Variants in DDX60 observed in about 807,000 individuals in gnomAD.
DDX60 encodes the protein probable ATP-dependent RNA helicase DDX60.
In DDX60, 165 loss-of-function variants were observed where a neutral mutation model predicts 212.8. The observed-to-expected ratio is 0.78, with a 90% CI of 0.68 to 0.88. DDX60 has a LOEUF of 0.88. Among genes scored for constraint, DDX60 ranks in the 40% least tolerant of loss-of-function variants. The pLI is 0.00. For missense variants in DDX60, 1,905 were observed against 2,003.9 expected (o/e 0.95, Z 0.94); for synonymous variants, 703 against 685.3 (o/e 1.03, Z -0.40).
rs554411953 is a variant in DDX60, at chr4:168,272,583, G to A, written c.2575-445C>T. Reference sequence around the variant, plus strand: ...GATGGAGCCTCAGCCAACCTAGCTCGCAGTTCTGGAGTAAGGACTGCTGTC... The same window carrying A: ...GATGGAGCCTCAGCCAACCTAGCTCACAGTTCTGGAGTAAGGACTGCTGTC... On this transcript the variant is annotated intron_variant, in intron 18 of 37. Transcript: ENST00000393743. Among the ~76,000 whole-genome samples the A allele has an allele frequency of 2.1e-4, 32 of 152,322 alleles. No individual in the cohort carries two copies. In the East Asian group the frequency reaches 5.4e-3, roughly 26 times the overall value.
At chr4:168,307,952 G>A (rs1579083187) in intron 4 of DDX60, 54 bp downstream of exon 4, 1 of 1,112,082 alleles carries the variant, frequency 9.0e-7, no homozygotes, top group East Asian at 2.9e-5. Flanking sequence ...AATAATTTAG[G>A]AAATTTTAGT....
chr4:168,300,261 G>T (rs1736589608), intron 6 of DDX60, among the ~76,000 whole-genome samples: 1 of 152,076 alleles, frequency 6.6e-6, no homozygotes, highest in African/African-American at 2.4e-5. Context: ...AGAAGCTACG[G>T]CTGGGTGCGG....
chr4:168,291,733 A>G lies in DDX60; in HGVS notation c.1041+15T>C, dbSNP rs1176742736. ...CAAAACACAAAAATAGTAAACTAAT[A>G]AAGAGTACATTTACCATTTGTAATA... On this transcript the variant is annotated intron_variant, in intron 8 of 37. Transcript: ENST00000393743. The G allele has an allele frequency of 7.1e-6, 11 of 1,541,964 alleles. No individual in the cohort carries two copies. Among genetic ancestry groups the G allele is most frequent in the Non-Finnish European group, 9.6e-6 (11 of 1,150,520 alleles).
At chr4:168,300,996 CA>C (rs1736625815) in intron 6 of DDX60, among the ~76,000 whole-genome samples, 1 of 151,960 alleles carries the variant, frequency 6.6e-6, no homozygotes, top group East Asian at 1.9e-4. Context: ...CTGCTGAGTA[CA>C]ACATTGGGTG....
chr4:168,291,709 A>C, intron 8 of DDX60, 39 bp downstream of exon 8: 1 of 1,486,558 alleles, frequency 6.7e-7, no homozygotes, highest in Non-Finnish European at 8.9e-7. Context: ...TCAAACATTC[A>C]AAACACAAAA....
At chr4:168,294,604 G>C (rs1026059668) in intron 6 of DDX60, among the ~76,000 whole-genome samples, 1 of 151,958 alleles carries the variant, frequency 6.6e-6, no homozygotes, top group Non-Finnish European at 1.5e-5. Context: ...AGGCTCAAGC[G>C]ATTCTCTTGC....
At chr4:168,270,544 G>A (rs181828057) in intron 19 of DDX60, among the ~76,000 whole-genome samples, 34 of 152,294 alleles carry the variant, frequency 2.2e-4, no homozygotes, top group Admixed American at 1.2e-3. Flanking sequence ...AAGTCATATC[G>A]TCATAGCACT....
At chr4:168,303,999 A>G (rs1736766504) in intron 5 of DDX60, among the ~76,000 whole-genome samples, 1 of 152,100 alleles carries the variant, frequency 6.6e-6, no homozygotes, top group Non-Finnish European at 1.5e-5. Context: ...ACAACAATAA[A>G]AAAAGTACAG....
intron 30 of DDX60, among the ~76,000 whole-genome samples, chr4:168,239,644 G>A (rs887100051): frequency 4.6e-5 from 7 of 152,056 alleles, no homozygotes; most frequent in African/African-American, 1.7e-4. Flanking sequence ...TGGTAAGAGA[G>A]TGAGGCCATG....
chr4:168,253,246 A>C (rs960451092), intron 26 of DDX60, among the ~76,000 whole-genome samples: 4 of 152,218 alleles, frequency 2.6e-5, no homozygotes, highest in Admixed American at 6.5e-5. Context: ...GTCTTGCCAA[A>C]CCCAGTTCTC....
Position 168,224,385 on chromosome 4 carries a change from T to C in DDX60, c.4682A>G (p.Lys1561Arg). The C allele has an allele frequency of 6.2e-7, 1 of 1,611,176 alleles. No homozygotes were observed. Among genetic ancestry groups the C allele is most frequent in the Non-Finnish European group, 8.5e-7 (1 of 1,178,038 alleles). ...GTCTTCACATTCTTTACCTGTGAAT[T>C]CTGACAATAATAGTTAGGGATAGAT... ...QEYQLPLSKI[K>R]FTGKECEDSQ... Residue 1561 changes from lysine to arginine, a missense_variant and splice_region_variant, in exon 35 of 38, where the codon AAA becomes AGA. Lys to Arg is a conservative substitution (Grantham distance 26, BLOSUM62 2). Transcript: ENST00000393743.
intron 27 of DDX60, 49 bp downstream of exon 27, chr4:168,252,459 TG>T: frequency 6.2e-7 from 1 of 1,608,008 alleles, no homozygotes; most frequent in Non-Finnish European, 8.5e-7. Context: ...TAACAAGCTA[TG>T]GCTGACAAAT....
In DDX60 at chr4:168,274,535, G is replaced by A. The variant is rs567926711; in HGVS notation, c.2305-452C>T. 7.9e-5 allele frequency among the ~76,000 whole-genome samples: 12 copies of A among 152,268 alleles called. No homozygotes were observed. The South Asian group carries it at 8.3e-4, about 11-fold the overall frequency. Reference sequence around the variant, plus strand: ...TTCAGCCGAAGAATGTTGACTAGCCGAAGAATGATAATAAGTCTATGTAAT... The same window carrying A: ...TTCAGCCGAAGAATGTTGACTAGCCAAAGAATGATAATAAGTCTATGTAAT... On this transcript the variant is annotated intron_variant, in intron 16 of 37. Transcript: ENST00000393743.
rs137970517 is a variant in DDX60 at position 168,243,388 on chromosome 4, C to T, written c.4164+3030G>A. 6.9e-3 allele frequency among the ~76,000 whole-genome samples: 1,043 copies of T among 152,036 alleles called. 5 individuals are homozygous for T. Among genetic ancestry groups the T allele is most frequent in the African/African-American group, 0.021 (851 of 41,468 alleles). On this transcript the variant is annotated intron_variant, in intron 30 of 37. Coordinates refer to ENST00000393743, the MANE Select transcript of DDX60 (RefSeq NM_017631.6). ...ACAAATGTCTAATATCCAGAGTCTA[C>T]AAGGAACTTAAACAAATTTATAAGA...
At chr4:168,219,484 A>T (rs1732972522) in intron 37 of DDX60, among the ~76,000 whole-genome samples, 7 of 152,136 alleles carry the variant, frequency 4.6e-5, no homozygotes, top group Admixed American at 4.6e-4. Flanking sequence ...AACTTCAGTA[A>T]CTATGAGCCA....
chr4:168,306,933 G>A (rs1736910535), intron 4 of DDX60, among the ~76,000 whole-genome samples: 1 of 152,170 alleles, frequency 6.6e-6, no homozygotes, highest in Non-Finnish European at 1.5e-5. Flanking sequence ...TCTCCTTTAA[G>A]CAGGCACTTA....
intron 6 of DDX60, among the ~76,000 whole-genome samples, chr4:168,298,846 G>A (rs1276290332): frequency 6.6e-6 from 1 of 151,390 alleles, no homozygotes; most frequent in African/African-American, 2.4e-5. Context: ...TAAAGGTAGT[G>A]GAAAAAAAAA....
chr4:168,275,052 C>T (rs471276), intron 16 of DDX60, among the ~76,000 whole-genome samples: 1 of 152,016 alleles, frequency 6.6e-6, no homozygotes. Context: ...TATTGACACA[C>T]GGAAAACCTG....
At chr4:168,248,620 A>G (rs992222570) in intron 28 of DDX60, among the ~76,000 whole-genome samples, 1 of 152,166 alleles carries the variant, frequency 6.6e-6, no homozygotes, top group South Asian at 2.1e-4. Context: ...TCTGTCTCAC[A>G]TGATTTATCT....
Sources: allele counts gnomAD v4.1 joint callset (sites outside exome capture counted in the v4.1 genomes callset), GRCh38; gene constraint gnomAD v4.1.1; transcripts MANE v1.5; gene names NCBI Gene and HGNC (gene_info 2026-07-23, HGNC 2026-07-21).